Variants in BACH2 observed in about 807,000 individuals in gnomAD.
The protein encoded by BACH2 is BACH transcriptional regulator 2.
In BACH2, 5 loss-of-function variants were observed where a neutral mutation model predicts 61.8. That is an observed-to-expected ratio of 0.08 (90% confidence interval 0.04 to 0.17). The LOEUF is 0.17. BACH2 is among the 10% of genes least tolerant of loss of function. The pLI, the probability that BACH2 is intolerant of heterozygous loss-of-function variation, is 1.00. For synonymous variants in BACH2, 446 were observed against 440.1 expected (o/e 1.01, Z -0.17); for missense variants, 824 against 1,091.1 (o/e 0.76, Z 3.45).
intron 7 of BACH2, chr6:89,949,966 G>A (rs1048923600): frequency 4.7e-6 from 2 of 429,910 alleles, no homozygotes; most frequent in Admixed American, 3.6e-5. Context: ...GGAGAAAGAG[G>A]GGGGTCTGGA....
chr6:90,140,121 C>T (rs546541031), intron 4 of BACH2, among the ~76,000 whole-genome samples: 1 of 152,258 alleles, frequency 6.6e-6, no homozygotes. Context: ...TTCCAAGGAA[C>T]CCCATGGAAA....
intron 4 of BACH2, among the ~76,000 whole-genome samples, chr6:90,145,627 T>C (rs1230462822): frequency 6.6e-6 from 1 of 152,206 alleles, no homozygotes; most frequent in Non-Finnish European, 1.5e-5. Context: ...TCTGCAGATA[T>C]ATCCTTTAAA....
rs1404504437 is a variant in BACH2, at chr6:90,008,395, C to T, written c.243+207G>A. ...CTGAGCCACAGGTGAGGTTCAGTTC[C>T]CTTCAAGAAAGATATTCACATTCTG... On this transcript the variant is annotated intron_variant, in intron 6 of 8. Coordinates refer to ENST00000257749, the MANE Select transcript of BACH2 (RefSeq NM_021813.4). This position sits in a 1 kb window ranked among gnomAD's most constrained non-coding sequence, Gnocchi z 4.1. The T allele has an allele frequency of 4.6e-6, 3 of 648,552 alleles. No homozygotes were observed. The East Asian group carries it at 8.4e-5, about 18-fold the overall frequency. 40.2% of individuals were successfully genotyped at this position (648,552 alleles called of 1,614,324 possible). A position where few individuals can be genotyped will look rare whatever the true frequency, so the allele number is the denominator to read the frequency against.
At chr6:89,970,829 G>A (rs1483080098) in intron 6 of BACH2, among the ~76,000 whole-genome samples, 1 of 152,172 alleles carries the variant, frequency 6.6e-6, no homozygotes, top group Non-Finnish European at 1.5e-5. Context: ...GACCAGGAGA[G>A]GGAGCACAAG....
chr6:90,194,591 T>C lies in BACH2; in HGVS notation c.-162+11978A>G, dbSNP rs138751305. Among the ~76,000 whole-genome samples the C allele has an allele frequency of 3.9e-3, 598 of 152,274 alleles. 5 individuals are homozygous for C. The highest frequency in any genetic ancestry group is 0.013 in the African/African-American group (553 of 41,568). On this transcript the variant is annotated intron_variant, in intron 4 of 8. Transcript: ENST00000257749. ...GACCACTCACCAGCATTATTCCAAA[T>C]GGAGAAAGTGCCTGAGAGAAACAGA... is the stretch of plus-strand genomic sequence containing the variant.
At chr6:90,003,614 AATAAATAAAT>A (rs1777249598) in intron 6 of BACH2, among the ~76,000 whole-genome samples, 2 of 152,342 alleles carry the variant, frequency 1.3e-5, no homozygotes, top group South Asian at 2.1e-4. Context: ...TTGTTGAATG[AATAAATAAAT>A]GAGTGAGGAA....
rs1324536185 is a variant in BACH2 at position 89,951,323 on chromosome 6, G to A, written c.783C>T (p.Asn261=). Reference sequence around the variant, plus strand: ...GCCCCGGCTTGAGGCTGTTGCTAGAGTTATCTTCCCGGAATGTGCTTGCAA... The same window carrying A: ...GCCCCGGCTTGAGGCTGTTGCTAGAATTATCTTCCCGGAATGTGCTTGCAA... The part of the protein sequence containing the change: ...SGFASTFRED[N]SSNSLKPGLA... The change falls in exon 7 of 9, where the codon AAC becomes AAT. Residue 261 remains asparagine (N), a synonymous_variant. Coordinates refer to ENST00000257749, the MANE Select transcript of BACH2 (RefSeq NM_021813.4). This position sits in a 1 kb window ranked among gnomAD's most constrained non-coding sequence, Gnocchi z 6.4. The A allele has an allele frequency of 4.3e-6, 7 of 1,614,228 alleles. No homozygotes were observed. Among genetic ancestry groups the A allele is most frequent in the Non-Finnish European group, 5.9e-6 (7 of 1,180,038 alleles).
At chr6:90,068,282 G>A (rs1046756295) in intron 5 of BACH2, among the ~76,000 whole-genome samples, 4 of 152,276 alleles carry the variant, frequency 2.6e-5, no homozygotes, top group Middle Eastern at 3.4e-3. Context: ...CAACCATTTA[G>A]GAAGACCTAA....
At chr6:90,274,604 G>A (rs1381028837) in intron 1 of BACH2, among the ~76,000 whole-genome samples, 8 of 152,154 alleles carry the variant, frequency 5.3e-5, no homozygotes, top group African/African-American at 1.9e-4. Context: ...CAGCCTCAGA[G>A]GAAGCAGACA....
intron 6 of BACH2, among the ~76,000 whole-genome samples, chr6:89,956,507 A>G (rs775238601): frequency 3.3e-5 from 5 of 152,230 alleles, no homozygotes; most frequent in Non-Finnish European, 5.9e-5. Context: ...CCTTCATTAC[A>G]TTGGATTCTA....
In BACH2 at chr6:89,949,775, G is replaced by A. The variant is rs151001151; in HGVS notation, c.1836+495C>T. Among the ~76,000 whole-genome samples, 4 of 152,260 alleles carry A rather than the reference G, an allele frequency of 2.6e-5. No homozygotes were observed. The East Asian group carries it at 7.7e-4, about 29-fold the overall frequency. ...CTGTGATGGACATGGGATGGCCCTGGGGTCTTCTGTTGACAAGGAAAATCT... is the reference window on the plus strand; with the variant it reads ...CTGTGATGGACATGGGATGGCCCTGAGGTCTTCTGTTGACAAGGAAAATCT... On this transcript the variant is annotated intron_variant, in intron 7 of 8. Transcript: ENST00000257749.
At chr6:90,074,637 G>A (rs1458033985) in intron 5 of BACH2, among the ~76,000 whole-genome samples, 2 of 152,098 alleles carry the variant, frequency 1.3e-5, no homozygotes, top group Admixed American at 6.6e-5. Flanking sequence ...AATTCCTTTC[G>A]AGATATGCTT....
At chr6:90,152,305 G>C (rs1317313172) in intron 4 of BACH2, among the ~76,000 whole-genome samples, 1 of 152,230 alleles carries the variant, frequency 6.6e-6, no homozygotes, top group East Asian at 1.9e-4. Context: ...AATGCACACA[G>C]AAAGACACAG....
At chr6:90,151,643 T>C (rs1344683114) in intron 4 of BACH2, among the ~76,000 whole-genome samples, 1 of 152,216 alleles carries the variant, frequency 6.6e-6, no homozygotes, top group Non-Finnish European at 1.5e-5. Context: ...CATAAGACAG[T>C]AAGATCTGTA....
At chr6:90,115,310 G>A (rs771698796) in intron 4 of BACH2, among the ~76,000 whole-genome samples, 16 of 152,088 alleles carry the variant, frequency 1.1e-4, no homozygotes, top group Middle Eastern at 3.2e-3. Flanking sequence ...CATGGTACTG[G>A]TACAAAAACA....
At chr6:89,987,585 C>T (rs201954842) in intron 6 of BACH2, among the ~76,000 whole-genome samples, 1 of 152,038 alleles carries the variant, frequency 6.6e-6, no homozygotes, top group Non-Finnish European at 1.5e-5. Flanking sequence ...AGGGTGTAAA[C>T]GGGATCATGA....
chr6:89,954,559 C>A (rs1044857291), intron 6 of BACH2, among the ~76,000 whole-genome samples: 17 of 148,194 alleles, frequency 1.1e-4, no homozygotes, highest in African/African-American at 4.0e-4. Flanking sequence ...TAAGTCTTAC[C>A]ACTATCTTCC....
At chr6:90,173,715 G>C (rs1247880333) in intron 4 of BACH2, among the ~76,000 whole-genome samples, 1 of 152,122 alleles carries the variant, frequency 6.6e-6, no homozygotes, top group African/African-American at 2.4e-5. Flanking sequence ...GGAACTTTCT[G>C]GTGTGACGGA....
rs544747251 is a variant in BACH2 at position 90,157,800 on chromosome 6, G to A, written c.-162+48769C>T. ...TGAGTGAGCCCCTGGAGATATCCAC[G>A]ATGGTCATTTGAAAGGTATTCATTG... is the stretch of plus-strand genomic sequence containing the variant. On this transcript the variant is annotated intron_variant, in intron 4 of 8. Coordinates refer to ENST00000257749, the MANE Select transcript of BACH2 (RefSeq NM_021813.4). Among the ~76,000 whole-genome samples the A allele has an allele frequency of 2.6e-5, 4 of 152,246 alleles. No homozygotes were observed. In the East Asian group the frequency reaches 7.7e-4, roughly 29 times the overall value.
Sources: allele counts gnomAD v4.1 joint callset (sites outside exome capture counted in the v4.1 genomes callset), GRCh38; gene constraint gnomAD v4.1.1; non-coding constraint Gnocchi (gnomAD v3.1); transcripts MANE v1.5; gene names NCBI Gene and HGNC (gene_info 2026-07-23, HGNC 2026-07-21).